CCDC170: variants seen among roughly 807,000 people sequenced by gnomAD.
CCDC170 encodes the protein coiled-coil domain containing 170.
CCDC170 carries 69 observed loss-of-function variants against 72.6 expected under a neutral mutation model. The observed-to-expected ratio is 0.95, with a 90% CI of 0.78 to 1.16. The LOEUF is 1.16. Among genes scored for constraint, CCDC170 ranks in the 50% most tolerant of loss-of-function variants. CCDC170 has a pLI of 0.00. For missense variants in CCDC170, 852 were observed against 832.5 expected, an observed-to-expected ratio of 1.02 and a Z score of -0.29; for synonymous variants, 300 against 303.9, an observed-to-expected ratio of 0.99 and a Z score of 0.13.
chr6:151,584,332 A>G lies in CCDC170; in HGVS notation c.1093-1557A>G, dbSNP rs1776422155. Among the ~76,000 whole-genome samples the G allele has an allele frequency of 1.3e-5, 2 of 152,068 alleles. 1 individual carries two copies. Among genetic ancestry groups the G allele is most frequent in the South Asian group, 4.2e-4 (2 of 4,812 alleles). On this transcript the variant is annotated intron_variant, in intron 6 of 10. Coordinates refer to ENST00000239374, the MANE Select transcript of CCDC170 (RefSeq NM_025059.4). ...TTTATTTTGATTATTTATTATTTTT[A>G]ATTTTTTTTCTCAGACCTCACAGGG...
rs148049584 is a variant in CCDC170, at chr6:151,524,237, T to C, written c.58-12081T>C. ...AGGCATGTCTGGGCAAGCCCCCCTG[T>C]GCAAGTTCCCTTATCTGTGCCTGCA... On this transcript the variant is annotated intron_variant, in intron 1 of 10. Transcript: ENST00000239374. 2.1e-3 allele frequency among the ~76,000 whole-genome samples: 324 copies of C among 152,344 alleles called. 3 individuals carry two copies. Among genetic ancestry groups the C allele is most frequent in the African/African-American group, 7.5e-3 (311 of 41,582 alleles).
At chr6:151,595,293 A>G (rs1374601894) in intron 8 of CCDC170, among the ~76,000 whole-genome samples, 3 of 152,030 alleles carry the variant, frequency 2.0e-5, no homozygotes, top group Non-Finnish European at 4.4e-5. Flanking sequence ...GTCCATAGTC[A>G]TTTTCTTAAA....
intron 1 of CCDC170, among the ~76,000 whole-genome samples, chr6:151,521,829 C>CA (rs1223972357): frequency 6.6e-6 from 1 of 151,676 alleles, no homozygotes; most frequent in African/African-American, 2.4e-5. Context: ...TAAAAAAATA[C>CA]AAAAAAATTA....
In CCDC170 at chr6:151,618,190, C is replaced by G. The variant is rs1438885059; in HGVS notation, c.*43C>G. ...AGAGGTGGCCATAAGACATGGCACA[C>G]AATTCCCAATTTCACAAATTCCTCA... On this transcript the variant is annotated 3_prime_UTR_variant, in exon 11 of 11. Transcript: ENST00000239374. 6.7e-7 allele frequency: 1 copy of G among 1,498,188 alleles called. No individual in the cohort carries two copies. The highest frequency in any genetic ancestry group is 1.2e-5 in the South Asian group (1 of 85,764). 92.8% of individuals were successfully genotyped at this position (1,498,188 alleles called of 1,614,324 possible).
chr6:151,518,116 CCA>C (rs1416882397), intron 1 of CCDC170, among the ~76,000 whole-genome samples: 1 of 152,158 alleles, frequency 6.6e-6, no homozygotes, highest in Non-Finnish European at 1.5e-5. Flanking sequence ...CCCAGAACAG[CCA>C]CAGAGTCCAG....
intron 9 of CCDC170, among the ~76,000 whole-genome samples, chr6:151,605,700 G>A (rs772275244): frequency 6.6e-6 from 1 of 152,002 alleles, no homozygotes; most frequent in Admixed American, 6.6e-5. Context: ...TTGAGGGGAG[G>A]GGCATTGTGG....
chr6:151,506,622 G>T (rs1294372382), intron 1 of CCDC170, among the ~76,000 whole-genome samples: 1 of 152,178 alleles, frequency 6.6e-6, no homozygotes, highest in African/African-American at 2.4e-5. Flanking sequence ...TTGTAACCTT[G>T]TGTAATGGTC....
At chr6:151,524,929 C>CTTTTTTTTTTTTTTT (rs34288029) in intron 1 of CCDC170, among the ~76,000 whole-genome samples, 1 of 110,042 alleles carries the variant, frequency 9.1e-6, no homozygotes, top group African/African-American at 3.7e-5. Context: ...TAGTCTGATT[C>CTTTTTTTTTTTTTTT]TTTTTTTTTT....
intron 1 of CCDC170, among the ~76,000 whole-genome samples, chr6:151,522,019 G>T (rs1424393185): frequency 1.3e-5 from 2 of 150,184 alleles, no homozygotes; most frequent in Non-Finnish European, 2.9e-5. Flanking sequence ...AATTTGTTGG[G>T]CATGTTGGCA....
chr6:151,517,138 C>A (rs542960214), intron 1 of CCDC170, among the ~76,000 whole-genome samples: 35 of 152,224 alleles, frequency 2.3e-4, no homozygotes, highest in Non-Finnish European at 2.9e-5. Context: ...AGTTGGAGAC[C>A]AGCCTGACCA....
chr6:151,519,319 A>G (rs567957934), intron 1 of CCDC170, among the ~76,000 whole-genome samples: 18 of 152,318 alleles, frequency 1.2e-4, no homozygotes, highest in Non-Finnish European at 1.0e-4. Context: ...GTCCATTTAT[A>G]GGCTCTCTGC....
intron 9 of CCDC170, among the ~76,000 whole-genome samples, chr6:151,610,159 T>C (rs963614918): frequency 6.6e-6 from 1 of 152,230 alleles, no homozygotes; most frequent in Non-Finnish European, 1.5e-5. Context: ...GATCACTTTG[T>C]TTTAAACATT....
At chr6:151,594,083 A>G (rs2115116327) in intron 8 of CCDC170, among the ~76,000 whole-genome samples, 1 of 152,368 alleles carries the variant, frequency 6.6e-6, no homozygotes, top group African/African-American at 2.4e-5. Flanking sequence ...ATACTAAATC[A>G]ATGAATGAAT....
intron 9 of CCDC170, among the ~76,000 whole-genome samples, chr6:151,600,635 C>G (rs1027894950): frequency 6.6e-6 from 1 of 152,116 alleles, no homozygotes; most frequent in African/African-American, 2.4e-5. Context: ...AGGCACTACT[C>G]AAACCACTAC....
intron 9 of CCDC170, among the ~76,000 whole-genome samples, chr6:151,606,515 G>A (rs537788317): frequency 3.9e-5 from 6 of 152,208 alleles, no homozygotes; most frequent in Non-Finnish European, 4.4e-5. Context: ...TAAAAAATTC[G>A]TTGAGACTTG....
intron 10 of CCDC170, 97 bp from the exon 11 acceptor site, chr6:151,617,850 C>A: frequency 8.4e-7 from 1 of 1,183,796 alleles, no homozygotes; most frequent in Non-Finnish European, 1.2e-6. Context: ...TCATGCAAAC[C>A]TGGGTTTTCT....
At chr6:151,536,806 A>G (rs2115046653) in intron 2 of CCDC170, among the ~76,000 whole-genome samples, 1 of 151,458 alleles carries the variant, frequency 6.6e-6, no homozygotes, top group South Asian at 2.1e-4. Flanking sequence ...AAAGAAAAAG[A>G]AAAAGAGACA....
intron 9 of CCDC170, among the ~76,000 whole-genome samples, chr6:151,611,275 G>GA (rs34476930): frequency 3.3e-5 from 5 of 149,484 alleles, no homozygotes; most frequent in Non-Finnish European, 4.5e-5. Context: ...AACCCCATCT[G>GA]AAAAAAAAAA....
intron 1 of CCDC170, among the ~76,000 whole-genome samples, chr6:151,507,135 G>A (rs897475205): frequency 5.9e-5 from 9 of 152,272 alleles, no homozygotes; most frequent in South Asian, 2.1e-4. Flanking sequence ...CCCACACAGA[G>A]GGCAGGGTAT....
Sources: gnomAD v4.1 joint callset for allele counts (sites outside exome capture counted in the v4.1 genomes callset) on GRCh38, gnomAD v4.1.1 for gene constraint, MANE v1.5 for transcripts, NCBI Gene and HGNC (gene_info 2026-07-23, HGNC 2026-07-21) for gene names.